Variants in MYO16 observed in about 807,000 individuals in gnomAD.
MYO16 encodes the protein myosin XVI, also known as unconventional myosin-XVI.
A neutral mutation model predicts 205.3 loss-of-function variants in MYO16; 94 were observed. The observed-to-expected ratio is 0.46, with a 90% CI of 0.39 to 0.54. The LOEUF (loss-of-function observed/expected upper bound fraction) is 0.54. Among genes scored for constraint, MYO16 ranks in the 20% least tolerant of loss-of-function variants. The pLI, the probability that MYO16 is intolerant of heterozygous loss-of-function variation, is 0.00. For synonymous variants in MYO16, 988 were observed against 954.0 expected (o/e 1.04, Z -0.66); for missense variants, 2,315 against 2,387.5 (o/e 0.97, Z 0.63).
intron 32 of MYO16, among the ~76,000 whole-genome samples, chr13:109,156,675 C>T (rs1330161445): frequency 1.3e-5 from 2 of 152,192 alleles, no homozygotes; most frequent in African/African-American, 2.4e-5. Context: ...TCCCCTGCTT[C>T]CTGGCCTTTC....
chr13:108,724,283 A>C (rs1164964972), intron 3 of MYO16, among the ~76,000 whole-genome samples: 1 of 152,126 alleles, frequency 6.6e-6, no homozygotes, highest in Non-Finnish European at 1.5e-5. Flanking sequence ...TTCAATCTAG[A>C]TTAATTTGGC....
chr13:109,058,297 C>T (rs2139619026), intron 27 of MYO16, among the ~76,000 whole-genome samples: 1 of 152,178 alleles, frequency 6.6e-6, no homozygotes. Context: ...GTATAATCTC[C>T]AGCCTCACCC....
intron 10 of MYO16, among the ~76,000 whole-genome samples, chr13:108,845,520 G>A (rs2139075614): frequency 6.6e-6 from 1 of 152,246 alleles, no homozygotes; most frequent in East Asian, 1.9e-4. Flanking sequence ...GAGGAGCAGG[G>A]AGAGGGCACT....
rs149354271 is a variant in MYO16, at chr13:108,716,609, A to G, written c.363+3878A>G. On this transcript the variant is annotated intron_variant, in intron 3 of 34. Transcript: ENST00000457511. ...TCTTAGGTACTGAAAAAGGCAATGT[A>G]GCCATCTAAAATGTCAAGTGTGAGT... Among the ~76,000 whole-genome samples, 205 of 152,332 alleles carry G rather than the reference A, an allele frequency of 1.3e-3. 1 individual carries two copies. Among genetic ancestry groups the G allele is most frequent in the African/African-American group, 4.7e-3 (196 of 41,574 alleles).
At chr13:108,555,687 G>A in the MYO16 span, among the ~76,000 whole-genome samples, 2 of 152,060 alleles carry the variant, frequency 1.3e-5, no homozygotes, top group Non-Finnish European at 2.9e-5. Context: ...TAGATCTGTT[G>A]AACATATTCT....
chr13:109,014,067 C>A (rs1885715796), intron 22 of MYO16, among the ~76,000 whole-genome samples: 3 of 152,128 alleles, frequency 2.0e-5, no homozygotes, highest in African/African-American at 7.2e-5. Flanking sequence ...ATGGTATTGC[C>A]TAAGTTTTCT....
In MYO16 at chr13:108,659,248, T is replaced by C. The variant is rs947797782; in HGVS notation, c.29-6638T>C. On this transcript the variant is annotated intron_variant, in intron 1 of 34. Transcript: ENST00000457511. ...TATGATATATATATGCTATATATGA[T>C]ATATATGATATATATATATCATATA... is the stretch of plus-strand genomic sequence containing the variant. The C allele has an allele frequency of 1.2e-3, 199 of 162,418 alleles. 2 individuals carry two copies. Among genetic ancestry groups the C allele is most frequent in the Non-Finnish European group, 2.2e-3 (180 of 81,364 alleles). 10.1% of individuals were successfully genotyped at this position (162,418 alleles called of 1,614,324 possible). A position where few individuals can be genotyped will look rare whatever the true frequency, so the allele number is the denominator to read the frequency against.
intron 20 of MYO16, among the ~76,000 whole-genome samples, chr13:108,972,249 C>CTCTCTCTCTCTCTCTCTCTATATATA (rs1178345437): frequency 3.5e-4 from 1 of 2,850 alleles, no homozygotes. Flanking sequence ...CTCTCTCTCT[C>CTCTCTCTCTCTCTCTCTCTATATATA]TATATATATA....
At chr13:108,746,187 C>T (rs1885057509) in intron 4 of MYO16, among the ~76,000 whole-genome samples, 1 of 151,872 alleles carries the variant, frequency 6.6e-6, no homozygotes, top group Admixed American at 6.6e-5. Context: ...AGCGAGACTC[C>T]ATCTCAAAGA....
At position 108,855,478 on chromosome 13, in the gene MYO16, G is replaced by T; in HGVS notation, c.1284G>T (p.Leu428=). Residue 428 remains leucine (L), a synonymous_variant, in exon 11 of 35, where the codon CTG becomes CTT. Transcript: ENST00000457511. ...KLMPPAPNDD[L]ATLSELNDGS... ...TGCCTCCTGCCCCAAACGATGACCT[G>T]GCAACGCTCAGCGAGCTCAATGATG... 3 of 1,596,140 alleles carry T rather than the reference G, an allele frequency of 1.9e-6. No homozygotes were observed. Among genetic ancestry groups the T allele is most frequent in the Non-Finnish European group, 2.6e-6 (3 of 1,166,108 alleles).
At chr13:108,727,298 G>A in intron 3 of MYO16, 142 bp from the exon 4 acceptor site, 1 of 763,866 alleles carries the variant, frequency 1.3e-6, no homozygotes, top group Non-Finnish European at 2.0e-6. Flanking sequence ...GTTAGTTGGG[G>A]AAATACATCT....
At chr13:108,920,638 T>C (rs1221433375) in intron 16 of MYO16, among the ~76,000 whole-genome samples, 1 of 152,104 alleles carries the variant, frequency 6.6e-6, no homozygotes, top group Non-Finnish European at 1.5e-5. Flanking sequence ...TTTGTATTAT[T>C]AGTAGAGACG....
At chr13:108,658,956 CTTAAA>C (rs1881366455) in intron 1 of MYO16, among the ~76,000 whole-genome samples, 1 of 151,890 alleles carries the variant, frequency 6.6e-6, no homozygotes, top group South Asian at 2.1e-4. Flanking sequence ...GAGAGATTTG[CTTAAA>C]AATCTTGAAC....
At chr13:108,820,004 A>C (rs1386597246) in intron 7 of MYO16, among the ~76,000 whole-genome samples, 1 of 152,224 alleles carries the variant, frequency 6.6e-6, no homozygotes, top group East Asian at 1.9e-4. Flanking sequence ...AACTTACTTT[A>C]AAATACATTT....
At chr13:108,581,303 G>C in the MYO16 span, among the ~76,000 whole-genome samples, 1 of 152,126 alleles carries the variant, frequency 6.6e-6, no homozygotes, top group Non-Finnish European at 1.5e-5. Context: ...TATGATTAGA[G>C]ATTCCAGGTG....
chr13:108,604,729 A>G (rs1214292772), intron 1 of MYO16, among the ~76,000 whole-genome samples: 1 of 152,054 alleles, frequency 6.6e-6, no homozygotes, highest in African/African-American at 2.4e-5. Flanking sequence ...GCTGATATTT[A>G]TTTTACGGAA....
intron 27 of MYO16, among the ~76,000 whole-genome samples, chr13:109,060,528 A>T (rs1193285063): frequency 1.3e-5 from 2 of 152,122 alleles, no homozygotes; most frequent in Admixed American, 6.6e-5. Context: ...GCAAATACCT[A>T]ATGCATGTGG....
intron 2 of MYO16, among the ~76,000 whole-genome samples, chr13:108,672,780 T>A (rs539371729): frequency 1.3e-5 from 2 of 152,192 alleles, no homozygotes; most frequent in East Asian, 3.9e-4. Flanking sequence ...GAGAGAGAGA[T>A]AGAGAAATAG....
chr13:108,883,713 C>T (rs970529773), intron 13 of MYO16, among the ~76,000 whole-genome samples: 1 of 151,754 alleles, frequency 6.6e-6, no homozygotes, highest in Non-Finnish European at 1.5e-5. Flanking sequence ...CCAGTCACTG[C>T]AGCCAAGGCT....
Sources: allele counts gnomAD v4.1 joint callset (sites outside exome capture counted in the v4.1 genomes callset), GRCh38; gene constraint gnomAD v4.1.1; transcripts MANE v1.5; gene names NCBI Gene and HGNC (gene_info 2026-07-23, HGNC 2026-07-21).